The following WDR88 variants were observed in gnomAD, a reference collection of about 807,000 sequenced individuals.
The protein encoded by WDR88 is WD repeat domain 88.
A neutral mutation model predicts 46.8 loss-of-function variants in WDR88; 40 were observed. That is an observed-to-expected ratio of 0.86 (90% CI 0.66 to 1.11). The LOEUF (loss-of-function observed/expected upper bound fraction) is 1.11. Ranked by LOEUF, WDR88 falls within the 50% of genes most tolerant of loss-of-function variation. WDR88 has a pLI of 0.00. For synonymous variants in WDR88, 235 were observed against 240.7 expected, an observed-to-expected ratio of 0.98 and a Z score of 0.22; for missense variants, 562 against 602.4, an observed-to-expected ratio of 0.93 and a Z score of 0.70.
intron 3 of WDR88, among the ~76,000 whole-genome samples, chr19:33,145,581 C>CTGGA (rs1242961049): frequency 2.6e-5 from 4 of 151,632 alleles, no homozygotes; most frequent in African/African-American, 9.7e-5. Context: ...GTTGCCCAGG[C>CTGGA]TGGAGTATAG....
intron 10 of WDR88, among the ~76,000 whole-genome samples, chr19:33,173,275 G>A (rs927931576): frequency 2.6e-5 from 4 of 152,112 alleles, no homozygotes; most frequent in Non-Finnish European, 4.4e-5. Flanking sequence ...CGGGTACACA[G>A]CTGGGCACTG....
intron 10 of WDR88, chr19:33,174,492 T>C: frequency 1.0e-6 from 1 of 985,456 alleles, no homozygotes; most frequent in East Asian, 1.1e-4. Flanking sequence ...CTCTTGCTTG[T>C]TAGTGGGAAG....
At chr19:33,170,443 G>A (rs532911214) in intron 9 of WDR88, among the ~76,000 whole-genome samples, 117 of 152,172 alleles carry the variant, frequency 7.7e-4, no homozygotes, top group African/African-American at 2.8e-3. Context: ...GCCTCCCAAT[G>A]TGCTAGGATT....
Position 33,175,412 on chromosome 19 carries a change from G to A in WDR88, c.1259G>A (p.Arg420Lys). Residue 420 changes from arginine to lysine, a missense_variant, in exon 11 of 11, where the codon AGG (arginine) becomes AAG (lysine). Coordinates refer to ENST00000355868, the MANE Select transcript of WDR88 (RefSeq NM_173479.4). ...CCATGTCAGTGCGAAAGATGTGACA[G>A]GCCTTTCTCCATCTTCAAGAGTGAC... is the stretch of plus-strand genomic sequence containing the variant. Reference protein sequence around the residue: ...LKLKQCERCDRPFSIFKSDTS... With the variant: ...LKLKQCERCDKPFSIFKSDTS... 1 of 1,614,132 alleles carries A rather than the reference G, an allele frequency of 6.2e-7. No homozygotes were observed. The highest frequency in any genetic ancestry group is 8.5e-7 in the Non-Finnish European group (1 of 1,180,016).
intron 1 of WDR88, among the ~76,000 whole-genome samples, chr19:33,135,107 C>T (rs1973235380): frequency 6.6e-6 from 1 of 151,748 alleles, no homozygotes; most frequent in Non-Finnish European, 1.5e-5. Flanking sequence ...TTTTTTCCCC[C>T]CAGTTTTACT....
chr19:33,141,266 G>A (rs1973390124), intron 2 of WDR88, among the ~76,000 whole-genome samples: 1 of 121,902 alleles, frequency 8.2e-6, no homozygotes, highest in Admixed American at 9.6e-5. Context: ...ATCTCACTCT[G>A]TTGCCCAGGC....
At chr19:33,143,337 C>CAAAAAAAAAA (rs59380405) in intron 2 of WDR88, among the ~76,000 whole-genome samples, 1 of 49,350 alleles carries the variant, frequency 2.0e-5, no homozygotes, top group African/African-American at 7.8e-5. Flanking sequence ...GATCCAGTGT[C>CAAAAAAAAAA]AAAAAAAAAA....
chr19:33,136,246 G>C (rs547157723), intron 1 of WDR88, among the ~76,000 whole-genome samples: 1 of 152,104 alleles, frequency 6.6e-6, no homozygotes, highest in East Asian at 1.9e-4. Flanking sequence ...GTAGAGACGG[G>C]GTTTCTCCAT....
chr19:33,158,366 CA>C (rs1207581099), intron 7 of WDR88, among the ~76,000 whole-genome samples: 1 of 151,522 alleles, frequency 6.6e-6, no homozygotes, highest in Non-Finnish European at 1.5e-5. Flanking sequence ...GCAGTTGAGC[CA>C]AAATTGTGCC....
At chr19:33,174,312 C>CT (rs1889197844) in intron 10 of WDR88, 1 of 1,521,732 alleles carries the variant, frequency 6.6e-7, no homozygotes, top group South Asian at 1.2e-5. Context: ...GTTTACCCCC[C>CT]TCTCCAGCAG....
At position 33,139,143 on chromosome 19, in the gene WDR88, G is replaced by A. The variant is rs78716692; in HGVS notation, c.387+1356G>A. Reference sequence around the variant, plus strand: ...AGGACAGAAAGGTGTCCAGGCCTGGGACCTGTTCATGAGGGGTGGTTGGAA... The same window carrying A: ...AGGACAGAAAGGTGTCCAGGCCTGGAACCTGTTCATGAGGGGTGGTTGGAA... On this transcript the variant is annotated intron_variant, in intron 2 of 10. Transcript: ENST00000355868. Among the ~76,000 whole-genome samples, 966 of 152,334 alleles carry A rather than the reference G, an allele frequency of 6.3e-3. 13 individuals are homozygous for A. Among genetic ancestry groups the A allele is most frequent in the African/African-American group, 0.022 (919 of 41,584 alleles).
chr19:33,159,140 G>A (rs1175719678), intron 7 of WDR88, among the ~76,000 whole-genome samples: 1 of 151,400 alleles, frequency 6.6e-6, no homozygotes, highest in African/African-American at 2.4e-5. Flanking sequence ...AGATCAGCCT[G>A]GGCAACATAG....
At chr19:33,172,306 C>T (rs1218119678) in intron 9 of WDR88, 42 bp from the exon 10 acceptor site, 5 of 1,521,160 alleles carry the variant, frequency 3.3e-6, no homozygotes, top group Non-Finnish European at 4.5e-6. Context: ...TATGGATGTA[C>T]CACAGCCTGT....
chr19:33,156,455 A>G lies in WDR88; in HGVS notation c.910A>G (p.Thr304Ala), dbSNP rs1171658458. 3 of 1,614,076 alleles carry G rather than the reference A, an allele frequency of 1.9e-6. No individual in the cohort carries two copies. The highest frequency in any genetic ancestry group is 1.7e-6 in the Non-Finnish European group (2 of 1,180,036). ...AAACTTAAAAATATGGAACGTCCAC[A>G]CAGGGGAGTTTCGAAACTGTGGAGC... Reference protein sequence around the residue: ...DKNLKIWNVHTGEFRNCGACV... With the variant: ...DKNLKIWNVHAGEFRNCGACV... The change falls in exon 7 of 11, where the codon ACA becomes GCA. Residue 304 changes from threonine (T) to alanine (A), a missense_variant. Thr to Ala is a moderately conservative substitution (Grantham distance 58). Coordinates refer to ENST00000355868, the MANE Select transcript of WDR88 (RefSeq NM_173479.4).
At chr19:33,168,079 G>A (rs574507879) in intron 9 of WDR88, among the ~76,000 whole-genome samples, 13 of 149,060 alleles carry the variant, frequency 8.7e-5, no homozygotes, top group South Asian at 8.4e-4. Flanking sequence ...CCAGGCTGGC[G>A]TGCAGTGGCA....
intron 8 of WDR88, among the ~76,000 whole-genome samples, chr19:33,163,105 A>T (rs1173565242): frequency 1.3e-5 from 2 of 152,102 alleles, no homozygotes; most frequent in Non-Finnish European, 2.9e-5. Flanking sequence ...AGGCCGAGGC[A>T]GGCAGATCAC....
rs1430890642 is a variant in WDR88, at chr19:33,160,436, GT to G, written c.1023del (p.Phe341LeufsTer10). ...RDSSFLISGG[F>X]DRTVAIWDVA... ...CAGGCTCTTTTCTCATTTCTGGAGG[GT>G]TTGATAGGACTGTGGCTATTTGGGA... is the stretch of plus-strand genomic sequence containing the variant. On this transcript the variant is annotated frameshift_variant, in exon 8 of 11. Coordinates refer to ENST00000355868, the MANE Select transcript of WDR88 (RefSeq NM_173479.4). LOFTEE classifies it high-confidence loss of function. 3 of 1,614,198 alleles carry G rather than the reference GT, an allele frequency of 1.9e-6. No individual in the cohort carries two copies. In the South Asian group the frequency reaches 3.3e-5, roughly 18 times the overall value.
intron 2 of WDR88, among the ~76,000 whole-genome samples, chr19:33,140,095 A>G (rs189230901): frequency 3.9e-5 from 6 of 152,084 alleles, no homozygotes; most frequent in Admixed American, 3.9e-4. Context: ...TGTTAGAAAA[A>G]CTGCTGGTTT....
At chr19:33,147,554 T>G (rs1599890841) in intron 3 of WDR88, 91 bp from the exon 4 acceptor site, 1 of 1,264,948 alleles carries the variant, frequency 7.9e-7, no homozygotes, top group Non-Finnish European at 1.1e-6. Flanking sequence ...AGTGAGCCGG[T>G]ATTGCACCAC....
Sources: gnomAD v4.1 joint callset for allele counts (sites outside exome capture counted in the v4.1 genomes callset) on GRCh38, gnomAD v4.1.1 for gene constraint, MANE v1.5 for transcripts, NCBI Gene and HGNC (gene_info 2026-07-23, HGNC 2026-07-21) for gene names.